ARFGAP3: variants seen among roughly 807,000 people sequenced by gnomAD.
ARFGAP3 encodes the protein ADP-ribosylation factor GTPase-activating protein 3.
Under a neutral mutation model 75.0 loss-of-function variants are expected in ARFGAP3, and 72 were observed. That is an observed-to-expected ratio of 0.96 (90% CI 0.79 to 1.17). The LOEUF (loss-of-function observed/expected upper bound fraction) is 1.17. Among genes scored for constraint, ARFGAP3 ranks in the 50% most tolerant of loss-of-function variants. The probability of loss-of-function intolerance (pLI) is 0.00; values close to 1 mark genes in which losing one functional copy is unlikely to be tolerated. For missense variants in ARFGAP3, 620 were observed against 626.6 expected (o/e 0.99, Z 0.11); for synonymous variants, 221 against 217.9 (o/e 1.01, Z -0.13).
At chr22:42,817,924 C>G in intron 9 of ARFGAP3, 67 bp from the exon 10 acceptor site, 5 of 1,337,620 alleles carry the variant, frequency 3.7e-6, no homozygotes, top group Non-Finnish European at 4.9e-6. Flanking sequence ...AAATAGCAAG[C>G]AAAATTAAAC....
At chr22:42,846,667 C>A (rs1311647350) in intron 2 of ARFGAP3, among the ~76,000 whole-genome samples, 1 of 152,170 alleles carries the variant, frequency 6.6e-6, no homozygotes, top group Admixed American at 6.6e-5. Flanking sequence ...TCCTTGGAAG[C>A]CAGAGCTATA....
chr22:42,797,476 A>C lies in ARFGAP3; in HGVS notation c.*112T>G. 1 of 1,382,954 alleles carries C rather than the reference A, an allele frequency of 7.2e-7. No individual in the cohort carries two copies. The highest frequency in any genetic ancestry group is 1.2e-5 in the South Asian group (1 of 84,080). The allele number at this position is 1,382,954 out of a possible 1,614,324, so 85.7% of individuals were successfully genotyped here. A position where few individuals can be genotyped will look rare whatever the true frequency, so the allele number is the denominator to read the frequency against. On this transcript the variant is annotated 3_prime_UTR_variant, in exon 16 of 16. Transcript: ENST00000263245. ...AAATCAGAAACATATACCATATGAA[A>C]AAGTAGCAAAACAATCTGCAAAACT...
chr22:42,797,713 G>C, intron 15 of ARFGAP3, 108 bp from the exon 16 acceptor site: 1 of 1,609,736 alleles, frequency 6.2e-7, no homozygotes, highest in South Asian at 1.1e-5. Context: ...CCCATGTCAG[G>C]CATGTGACAT....
At chr22:42,797,689 A>T in intron 15 of ARFGAP3, 84 bp from the exon 16 acceptor site, 1 of 1,612,892 alleles carries the variant, frequency 6.2e-7, no homozygotes, top group Non-Finnish European at 8.5e-7. Flanking sequence ...GCATCACCCA[A>T]ATTGACACTG....
rs555093034 is a variant in ARFGAP3 at position 42,812,571 on chromosome 22, C to G, written c.1065-1627G>C. On this transcript the variant is annotated intron_variant, in intron 11 of 15. Coordinates refer to ENST00000263245, the MANE Select transcript of ARFGAP3 (RefSeq NM_014570.5). ...GGCCAATATAAGAGGGAAGCAAGAA[C>G]CCATAAGAGCAAAGAGGCCAGGGAC... Among the ~76,000 whole-genome samples, 216 of 152,190 alleles carry G rather than the reference C, an allele frequency of 1.4e-3. 1 individual carries two copies. The highest frequency in any genetic ancestry group is 2.1e-3 in the Non-Finnish European group (146 of 68,006).
chr22:42,839,848 G>C (rs1926701310), intron 3 of ARFGAP3, among the ~76,000 whole-genome samples: 1 of 152,058 alleles, frequency 6.6e-6, no homozygotes, highest in African/African-American at 2.4e-5. Flanking sequence ...GTCTATAAGA[G>C]GGGATCTTGA....
At position 42,796,763 on chromosome 22, in the gene ARFGAP3, AC is replaced by A. The variant is rs1924622009; in HGVS notation, c.*824del. On this transcript the variant is annotated 3_prime_UTR_variant, in exon 16 of 16. Transcript: ENST00000263245. The stretch of plus-strand genomic sequence containing the variant: ...AGATTTAAAAATATTTATTAACAAA[AC>A]TACCCAATTACAATGACTGTTCTCC... 1.3e-5 allele frequency: 2 copies of A among 152,346 alleles called. No homozygotes were observed. The highest frequency in any genetic ancestry group is 4.8e-5 in the African/African-American group (2 of 41,580). 9.4% of individuals were successfully genotyped at this position (152,346 alleles called of 1,614,324 possible). A position where few individuals can be genotyped will look rare whatever the true frequency, so the allele number is the denominator to read the frequency against.
chr22:42,851,084 C>A (rs543476193), intron 1 of ARFGAP3, among the ~76,000 whole-genome samples: 36 of 152,312 alleles, frequency 2.4e-4, no homozygotes, highest in Non-Finnish European at 4.6e-4. Context: ...TAATTTCTCA[C>A]CTAGTTACTC....
intron 7 of ARFGAP3, among the ~76,000 whole-genome samples, chr22:42,824,004 G>A (rs1050578340): frequency 2.4e-5 from 2 of 84,742 alleles, no homozygotes; most frequent in Non-Finnish European, 4.2e-5. Flanking sequence ...CTTTCTTCAG[G>A]AGCATTTAAA....
At chr22:42,827,024 A>G (rs776809849) in intron 6 of ARFGAP3, 25 bp from the exon 7 acceptor site, 2 of 1,612,672 alleles carry the variant, frequency 1.2e-6, no homozygotes, top group Non-Finnish European at 8.5e-7. Context: ...CATTGATATT[A>G]GCGCAGAAAA....
Position 42,797,520 on chromosome 22 carries a change from C to T in ARFGAP3, c.*68G>A. On this transcript the variant is annotated 3_prime_UTR_variant, in exon 16 of 16. Transcript: ENST00000263245. ...CAAAACTATCTGGACTTCACTGCCGCCTGAGATGTGGTTACTTGTTCATTT... is the reference window on the plus strand; with the variant it reads ...CAAAACTATCTGGACTTCACTGCCGTCTGAGATGTGGTTACTTGTTCATTT... 1 of 1,601,594 alleles carries T rather than the reference C, an allele frequency of 6.2e-7. No individual in the cohort carries two copies. Among genetic ancestry groups the T allele is most frequent in the Non-Finnish European group, 8.6e-7 (1 of 1,169,090 alleles).
chr22:42,844,760 TAAC>T (rs1444085017), intron 2 of ARFGAP3, among the ~76,000 whole-genome samples: 2 of 152,288 alleles, frequency 1.3e-5, no homozygotes, highest in Admixed American at 1.3e-4. Flanking sequence ...GCCTTAAAAA[TAAC>T]AACAAAAACA....
chr22:42,846,533 G>T (rs1350176979), intron 2 of ARFGAP3, among the ~76,000 whole-genome samples: 1 of 152,222 alleles, frequency 6.6e-6, no homozygotes, highest in Non-Finnish European at 1.5e-5. Flanking sequence ...GTAGAAGACG[G>T]TTTACTCACC....
intron 13 of ARFGAP3, 172 bp from the exon 14 acceptor site, chr22:42,807,335 A>C: frequency 6.3e-4 from 549 of 876,078 alleles, no homozygotes; most frequent in Non-Finnish European, 7.0e-4. Flanking sequence ...CACAAAGCTC[A>C]TGTTCTGCAT....
intron 1 of ARFGAP3, among the ~76,000 whole-genome samples, chr22:42,854,580 G>A (rs536272923): frequency 5.3e-5 from 8 of 151,430 alleles, no homozygotes; most frequent in East Asian, 3.9e-4. Context: ...TGCCAAGATC[G>A]CACCACTGCA....
At chr22:42,831,200 T>C (rs1380072071) in intron 6 of ARFGAP3, among the ~76,000 whole-genome samples, 2 of 151,212 alleles carry the variant, frequency 1.3e-5, no homozygotes, top group African/African-American at 4.9e-5. Context: ...GGCAGGAGAA[T>C]TGCTTGAACC....
intron 9 of ARFGAP3, among the ~76,000 whole-genome samples, chr22:42,820,763 TAC>T (rs899015167): frequency 6.6e-6 from 1 of 152,198 alleles, no homozygotes; most frequent in Non-Finnish European, 1.5e-5. Flanking sequence ...TGATCTTTGG[TAC>T]AGTCACGGTT....
intron 14 of ARFGAP3, among the ~76,000 whole-genome samples, chr22:42,803,367 C>T (rs1363209895): frequency 6.6e-6 from 1 of 152,156 alleles, no homozygotes; most frequent in Non-Finnish European, 1.5e-5. Context: ...GAAAAGGAGA[C>T]AGTGGTTAAG....
rs770945545 is a variant in ARFGAP3, at chr22:42,808,761, C to A, written c.1320+6G>T. The A allele has an allele frequency of 5.6e-6, 9 of 1,607,810 alleles. 1 individual carries two copies. In the South Asian group the frequency reaches 8.9e-5, roughly 16 times the overall value. On this transcript the variant is annotated splice_donor_region_variant and intron_variant, in intron 13 of 15. Transcript: ENST00000263245. ...GGGCACCCAAAGAAACTCTCTGGAC[C>A]CTTACATCAGCCTGGGATTGTCTTC...
Sources: gnomAD v4.1 joint callset for allele counts (sites outside exome capture counted in the v4.1 genomes callset) on GRCh38, gnomAD v4.1.1 for gene constraint, MANE v1.5 for transcripts, NCBI Gene and HGNC (gene_info 2026-07-23, HGNC 2026-07-21) for gene names.